Variants in GNAO1 observed in about 807,000 individuals in gnomAD.
The protein encoded by GNAO1 is guanine nucleotide-binding protein G(o) subunit alpha.
For synonymous variants in GNAO1, 164 were observed against 180.7 expected (o/e 0.91, Z 0.74); for missense variants, 166 against 478.7 (o/e 0.35, Z 6.10).
chr16:56,268,522 C>G (rs12920563), intron 2 of GNAO1, among the ~76,000 whole-genome samples: 29,421 of 151,982 alleles, frequency 0.19, 3,043 homozygotes, highest in East Asian at 0.38. Context: ...AAAATGGTCC[C>G]TAGTAGGTTA....
At chr16:56,293,439 T>C (rs2037252019) in intron 3 of GNAO1, among the ~76,000 whole-genome samples, 1 of 152,104 alleles carries the variant, frequency 6.6e-6, no homozygotes, top group Admixed American at 6.5e-5. Flanking sequence ...CTGTCTCCTG[T>C]CCCAGCTCTA....
chr16:56,330,553 C>T (rs2037678956), intron 4 of GNAO1, among the ~76,000 whole-genome samples: 1 of 152,126 alleles, frequency 6.6e-6, no homozygotes, highest in Non-Finnish European at 1.5e-5. Context: ...CAGCCCTGCC[C>T]CTCCCACTTT....
intron 6 of GNAO1, chr16:56,345,206 T>G: frequency 4.1e-6 from 4 of 985,586 alleles, no homozygotes; most frequent in Non-Finnish European, 4.8e-6. Flanking sequence ...CCTCTCCCAC[T>G]CCAAGATGCC....
chr16:56,220,298 C>T (rs1324130837), intron 2 of GNAO1, among the ~76,000 whole-genome samples: 1 of 152,090 alleles, frequency 6.6e-6, no homozygotes, highest in Non-Finnish European at 1.5e-5. Context: ...TGTTTCCTCC[C>T]CTCTGAAAAA....
chr16:56,203,648 G>A (rs751215643), intron 2 of GNAO1, among the ~76,000 whole-genome samples: 6 of 152,196 alleles, frequency 3.9e-5, no homozygotes, highest in Non-Finnish European at 8.8e-5. Flanking sequence ...CAGGTTCTAT[G>A]GAGCTGACAG....
In GNAO1 at chr16:56,328,696, G is replaced by T. The variant is rs776163992; in HGVS notation, c.369G>T (p.Glu123Asp). Residue 123 changes from glutamate (E) to aspartate (D), a missense_variant, in exon 4 of 9, where the codon GAG becomes GAT. By Grantham distance (45) the Glu-to-Asp change is conservative. Transcript: ENST00000262493. ...RMEDTEPFSA[E>D]LLSAMMRLWG... is the part of the protein sequence containing the mutation. ...AAGACACCGAGCCCTTCTCTGCAGA[G>T]CTGCTTTCTGCCATGATGCGGCTCT... is the stretch of plus-strand genomic sequence containing the variant. 6.2e-7 allele frequency: 1 copy of T among 1,614,212 alleles called. No homozygotes were observed. Among genetic ancestry groups the T allele is most frequent in the Non-Finnish European group, 8.5e-7 (1 of 1,179,982 alleles).
intron 2 of GNAO1, among the ~76,000 whole-genome samples, chr16:56,225,996 G>A (rs1186871731): frequency 6.6e-6 from 1 of 151,920 alleles, no homozygotes; most frequent in Non-Finnish European, 1.5e-5. Context: ...AGGAACAGGA[G>A]TACAAAGACA....
chr16:56,334,595 T>G, intron 4 of GNAO1, 134 bp from the exon 5 acceptor site: 5 of 902,020 alleles, frequency 5.5e-6, no homozygotes, highest in Non-Finnish European at 8.5e-6. Context: ...TGGCCTGGAA[T>G]GGAGGTGATG....
In GNAO1 at chr16:56,342,739, G is replaced by T. The variant is rs577449729; in HGVS notation, c.723+5879G>T. On this transcript the variant is annotated intron_variant, in intron 6 of 8. Coordinates refer to ENST00000262493, the MANE Select transcript of GNAO1 (RefSeq NM_020988.3). Reference sequence around the variant, plus strand: ...AAGGCCCACCCACAGGGTGTGCATCGACCAGGGCTACCTGCATGAGCCCAG... The same window carrying T: ...AAGGCCCACCCACAGGGTGTGCATCTACCAGGGCTACCTGCATGAGCCCAG... Among the ~76,000 whole-genome samples, 7 of 152,344 alleles carry T rather than the reference G, an allele frequency of 4.6e-5. No homozygotes were observed. In the East Asian group the frequency reaches 1.4e-3, roughly 29 times the overall value.
At chr16:56,234,623 C>T (rs1245203933) in intron 2 of GNAO1, among the ~76,000 whole-genome samples, 1 of 152,218 alleles carries the variant, frequency 6.6e-6, no homozygotes, top group African/African-American at 2.4e-5. Flanking sequence ...TCCATTTTCC[C>T]CTGTCCCTGG....
intron 2 of GNAO1, among the ~76,000 whole-genome samples, chr16:56,269,189 A>G (rs114741993): frequency 0.026 from 3,983 of 152,270 alleles, 119 homozygotes; most frequent in South Asian, 0.1. Context: ...CAACGTGTTC[A>G]TTTGGTAAAT....
chr16:56,246,866 T>C (rs1338088213), intron 2 of GNAO1, among the ~76,000 whole-genome samples: 2 of 152,184 alleles, frequency 1.3e-5, no homozygotes, highest in African/African-American at 4.8e-5. Context: ...AATGTTTAAT[T>C]TGTGTTTGTT....
In GNAO1 at chr16:56,201,974, T is replaced by A. The variant is rs78142461; in HGVS notation, c.161+9358T>A. On this transcript the variant is annotated intron_variant, in intron 2 of 8. Transcript: ENST00000262493. ...TGGTGCTTTTGAGTGGCGAGAGCCATAGAAGTTGGTAACCTTAGTAGGCTG... is the reference window on the plus strand; with the variant it reads ...TGGTGCTTTTGAGTGGCGAGAGCCAAAGAAGTTGGTAACCTTAGTAGGCTG... Among the ~76,000 whole-genome samples the A allele has an allele frequency of 3.3e-5, 5 of 152,160 alleles. No homozygotes were observed. In the East Asian group the frequency reaches 9.6e-4, roughly 29 times the overall value.
intron 2 of GNAO1, among the ~76,000 whole-genome samples, chr16:56,234,185 G>C (rs1305922389): frequency 1.3e-5 from 2 of 152,252 alleles, no homozygotes; most frequent in Non-Finnish European, 2.9e-5. Context: ...CTCCTGGTCT[G>C]GCTGTAGGCA....
At chr16:56,205,170 A>G (rs2036315835) in intron 2 of GNAO1, among the ~76,000 whole-genome samples, 1 of 152,186 alleles carries the variant, frequency 6.6e-6, no homozygotes, top group Admixed American at 6.5e-5. Flanking sequence ...CGATGTAGGA[A>G]TTTGTCTTGT....
rs1244001428 is a variant in GNAO1, at chr16:56,191,489, C to T, written c.-747C>T. ...TTTTCCCCTCCCTCCCTGCCTCTCTCTCTCTCCCTCTCCCTCGAGCTCCCG... is the reference window on the plus strand; with the variant it reads ...TTTTCCCCTCCCTCCCTGCCTCTCTTTCTCTCCCTCTCCCTCGAGCTCCCG... On this transcript the variant is annotated 5_prime_UTR_variant, in exon 1 of 9. Transcript: ENST00000262493. This position sits in a 1 kb window ranked among gnomAD's most constrained non-coding sequence, Gnocchi z 4.7. 1.3e-5 allele frequency: 2 copies of T among 151,776 alleles called. No individual in the cohort carries two copies. Among genetic ancestry groups the T allele is most frequent in the African/African-American group, 2.4e-5 (1 of 41,254 alleles). 9.4% of individuals were successfully genotyped at this position (151,776 alleles called of 1,614,324 possible).
intron 6 of GNAO1, chr16:56,343,697 G>A (rs2037829646): frequency 7.6e-7 from 1 of 1,317,458 alleles, no homozygotes; most frequent in Non-Finnish European, 1.1e-6. Context: ...GCCAGGCTGG[G>A]GTCGTCCATG....
chr16:56,250,892 G>A (rs1490720519), intron 2 of GNAO1, among the ~76,000 whole-genome samples: 1 of 152,182 alleles, frequency 6.6e-6, no homozygotes, highest in Admixed American at 6.5e-5. Context: ...GTGGTTTTGG[G>A]GAATGGAATA....
At chr16:56,251,157 G>A (rs1596821136) in intron 2 of GNAO1, among the ~76,000 whole-genome samples, 1 of 152,316 alleles carries the variant, frequency 6.6e-6, no homozygotes, top group South Asian at 2.1e-4. Flanking sequence ...TATAAAGGAG[G>A]CTGGGTGGCA....
Sources: gnomAD v4.1 joint callset for allele counts (sites outside exome capture counted in the v4.1 genomes callset) on GRCh38, gnomAD v4.1.1 for gene constraint, Gnocchi (gnomAD v3.1) non-coding constraint, MANE v1.5 for transcripts, NCBI Gene and HGNC (gene_info 2026-07-23, HGNC 2026-07-21) for gene names.